NBEA: variants seen among roughly 807,000 people sequenced by gnomAD.
NBEA encodes lysosomal-trafficking regulator 2.
NBEA carries 44 observed loss-of-function variants against 343.4 expected under a neutral mutation model. The observed-to-expected ratio is 0.13, with a 90% CI of 0.10 to 0.16. The LOEUF (loss-of-function observed/expected upper bound fraction) is 0.16, where lower values mean the gene tolerates loss of function less well. Among genes scored for constraint, NBEA ranks in the 10% least tolerant of loss-of-function variants. The probability of loss-of-function intolerance (pLI) is 1.00; values close to 1 mark genes in which losing one functional copy is unlikely to be tolerated. For missense variants in NBEA, 2,555 were observed against 3,631.3 expected, an observed-to-expected ratio of 0.70 and a Z score of 7.62; for synonymous variants, 1,175 against 1,238.7, an observed-to-expected ratio of 0.95 and a Z score of 1.08.
chr13:35,168,917 C>T, intron 24 of NBEA, 70 bp from the exon 25 acceptor site: 1 of 1,074,648 alleles, frequency 9.3e-7, no homozygotes, highest in Non-Finnish European at 1.3e-6. Flanking sequence ...ATTGTATTTT[C>T]ATTTAATTTA....
chr13:35,134,766 G>A (rs1211640015), intron 17 of NBEA, among the ~76,000 whole-genome samples: 1 of 151,812 alleles, frequency 6.6e-6, no homozygotes, highest in African/African-American at 2.4e-5. Flanking sequence ...AAATAAAAAC[G>A]AACTGTTGAA....
chr13:35,173,687 G>GAGCA, intron 27 of NBEA, 93 bp downstream of exon 27: 5 of 1,228,726 alleles, frequency 4.1e-6, no homozygotes, highest in Non-Finnish European at 5.6e-6. Context: ...ATTGCTCAGT[G>GAGCA]ATAGAGAGCA....
intron 38 of NBEA, among the ~76,000 whole-genome samples, chr13:35,389,834 A>T (rs73502736): frequency 0.03 from 4,506 of 152,106 alleles, 189 homozygotes; most frequent in African/African-American, 0.087. Flanking sequence ...AAATGGCTCA[A>T]CTGCTAGCTG....
At position 35,655,665 on chromosome 13, in the gene NBEA, A is replaced by G. The variant is rs775734492; in HGVS notation, c.8278A>G (p.Ile2760Val). 5.6e-6 allele frequency: 9 copies of G among 1,613,912 alleles called. No individual in the cohort carries two copies. The highest frequency in any genetic ancestry group is 7.6e-6 in the Non-Finnish European group (9 of 1,179,884). The change falls in exon 55 of 59, where the codon ATC (isoleucine) becomes GTC (valine). Residue 2760 changes from isoleucine (I) to valine (V), a missense_variant. Physicochemically the swap from Ile to Val is conservative, Grantham distance 29 (BLOSUM62 3). This residue lies in a region of NBEA where 186 missense variants were observed against 328.9 expected (regional missense o/e 0.57). Transcript: ENST00000379939. The part of the protein sequence containing the change: ...SESYIGGDCY[I>V]VSGSRDATLL... ...GTCATACATTGGTGGGGACTGCTAC[A>G]TCGTGTCCGGATCTCGAGATGCCAC...
chr13:35,655,802 T>C, intron 55 of NBEA, 53 bp downstream of exon 55: 1 of 1,488,302 alleles, frequency 6.7e-7, no homozygotes, highest in South Asian at 1.3e-5. Flanking sequence ...TTTAAATATA[T>C]TTTGCCTTTT....
chr13:35,227,345 CATAAT>C (rs1414706206), intron 33 of NBEA, among the ~76,000 whole-genome samples: 1 of 151,956 alleles, frequency 6.6e-6, no homozygotes, highest in Non-Finnish European at 1.5e-5. Flanking sequence ...AATTCCTAGT[CATAAT>C]ATATAGCTGA....
rs528896293 is a variant in NBEA, at chr13:35,342,975, C to A, written c.5904-6133C>A. Among the ~76,000 whole-genome samples, 11 of 152,010 alleles carry A rather than the reference C, an allele frequency of 7.2e-5. No homozygotes were observed. In the South Asian group the frequency reaches 2.3e-3, roughly 32 times the overall value. ...TGATTTCCAATTAAAAACCAAATTT[C>A]TCAGATATGATTAAAACTCCAGGTG... On this transcript the variant is annotated intron_variant, in intron 36 of 58. Coordinates refer to ENST00000379939, the MANE Select transcript of NBEA (RefSeq NM_001385012.1).
chr13:35,503,747 G>A (rs976587261), intron 41 of NBEA, among the ~76,000 whole-genome samples: 2 of 151,940 alleles, frequency 1.3e-5, no homozygotes, highest in African/African-American at 4.8e-5. Context: ...TAGCATATTG[G>A]ATTATTTATG....
At chr13:35,457,091 C>A (rs139968226) in intron 40 of NBEA, among the ~76,000 whole-genome samples, 14 of 152,020 alleles carry the variant, frequency 9.2e-5, no homozygotes, top group Middle Eastern at 3.4e-3. Flanking sequence ...AAACTAATGT[C>A]CACACTTCTT....
At chr13:35,030,717 G>A (rs2062179876) in intron 1 of NBEA, among the ~76,000 whole-genome samples, 1 of 151,636 alleles carries the variant, frequency 6.6e-6, no homozygotes, top group Non-Finnish European at 1.5e-5. Flanking sequence ...TAACACGAAT[G>A]TATTAAAAGT....
chr13:35,476,866 C>T, intron 41 of NBEA: 1 of 923,814 alleles, frequency 1.1e-6, no homozygotes, highest in Non-Finnish European at 1.3e-6. Context: ...CGGAAAACCA[C>T]TCAGGCCACC....
At chr13:35,241,895 T>C (rs1211357878) in intron 34 of NBEA, among the ~76,000 whole-genome samples, 1 of 151,874 alleles carries the variant, frequency 6.6e-6, no homozygotes, top group Non-Finnish European at 1.5e-5. Flanking sequence ...AGTTCCCAAT[T>C]ACTCCTTTGG....
intron 36 of NBEA, among the ~76,000 whole-genome samples, chr13:35,346,760 C>A (rs1179087421): frequency 1.3e-5 from 2 of 152,080 alleles, no homozygotes; most frequent in Non-Finnish European, 2.9e-5. Context: ...TTGTCAGAAC[C>A]GTTCCCACTG....
chr13:35,088,774 T>A (rs2064908875), intron 10 of NBEA, among the ~76,000 whole-genome samples: 1 of 150,656 alleles, frequency 6.6e-6, no homozygotes, highest in Admixed American at 6.6e-5. Flanking sequence ...AACTATCTGA[T>A]CTTTGACAAA....
chr13:35,522,211 G>T (rs1260228797), intron 41 of NBEA, among the ~76,000 whole-genome samples: 1 of 151,754 alleles, frequency 6.6e-6, no homozygotes, highest in Non-Finnish European at 1.5e-5. Context: ...AATCCCAGCA[G>T]TTTGGGAGGC....
intron 41 of NBEA, among the ~76,000 whole-genome samples, chr13:35,496,701 G>A (rs1029339737): frequency 2.6e-5 from 4 of 151,294 alleles, no homozygotes; most frequent in African/African-American, 9.7e-5. Context: ...TTTAATAGCT[G>A]TTCTTCTAGC....
At position 34,980,414 on chromosome 13, in the gene NBEA, T is replaced by C. The variant is rs138461203; in HGVS notation, c.294+37300T>C. ...TTTTCTGGTTTCTAGTTTAGAAGTATAACTTTTTTTTATTACATTTTATTA... is the reference window on the plus strand; with the variant it reads ...TTTTCTGGTTTCTAGTTTAGAAGTACAACTTTTTTTTATTACATTTTATTA... On this transcript the variant is annotated intron_variant, in intron 1 of 58. Transcript: ENST00000379939. Among the ~76,000 whole-genome samples the C allele has an allele frequency of 8.8e-3, 1,331 of 151,352 alleles. 19 individuals carry two copies. Among genetic ancestry groups the C allele is most frequent in the African/African-American group, 0.03 (1,256 of 41,406 alleles).
At chr13:35,043,092 G>T (rs2062713105) in intron 2 of NBEA, among the ~76,000 whole-genome samples, 2 of 151,628 alleles carry the variant, frequency 1.3e-5, no homozygotes, top group African/African-American at 2.4e-5. Flanking sequence ...ATTAAACTGA[G>T]CTGCTTGGTT....
chr13:35,602,396 G>T (rs1388508899), intron 47 of NBEA, among the ~76,000 whole-genome samples: 1 of 152,110 alleles, frequency 6.6e-6, no homozygotes, highest in Non-Finnish European at 1.5e-5. Flanking sequence ...GACTTCTTGT[G>T]ATTTCACTTC....
Sources: allele counts gnomAD v4.1 joint callset (sites outside exome capture counted in the v4.1 genomes callset), GRCh38; gene constraint gnomAD v4.1.1; regional missense constraint gnomAD v4.1.1; transcripts MANE v1.5; gene names NCBI Gene and HGNC (gene_info 2026-07-23, HGNC 2026-07-21).